Variants in TEKT5 observed in about 807,000 individuals in gnomAD.
TEKT5 encodes tektin 5, also known as tektin-5.
In TEKT5, 52 loss-of-function variants were observed where a neutral mutation model predicts 48.7. The ratio of observed to expected loss-of-function variants is 1.07; its 90% CI spans 0.86 to 1.35. TEKT5 has a LOEUF of 1.35. Among genes scored for constraint, TEKT5 ranks in the 40% most tolerant of loss-of-function variants. TEKT5 has a pLI of 0.00. For missense variants in TEKT5, 831 were observed against 641.6 expected, an observed-to-expected ratio of 1.30 and a Z score of -3.19; for synonymous variants, 318 against 267.6, an observed-to-expected ratio of 1.19 and a Z score of -1.84.
chr16:10,679,801 G>A (rs768847034), intron 4 of TEKT5, among the ~76,000 whole-genome samples: 1 of 152,168 alleles, frequency 6.6e-6, no homozygotes, highest in East Asian at 1.9e-4. Context: ...GGAGGCTGAG[G>A]CAGGAGCATC....
rs147087401 is a variant in TEKT5, at chr16:10,694,192, T to C, written c.564+118A>G. ...TTGTATTACTGATCGTATTCGATGA[T>C]GCAGCTCAAACCGACCTGCAAGGTG... On this transcript the variant is annotated intron_variant, in intron 1 of 6. Transcript: ENST00000283025. 10 of 910,158 alleles carry C rather than the reference T, an allele frequency of 1.1e-5. No homozygotes were observed. The East Asian group carries it at 2.5e-4, about 22-fold the overall frequency. 56.4% of individuals were successfully genotyped at this position (910,158 alleles called of 1,614,324 possible). A position where few individuals can be genotyped will look rare whatever the true frequency, so the allele number is the denominator to read the frequency against.
In TEKT5 at chr16:10,682,111, G is replaced by A. The variant is rs1356171828; in HGVS notation, c.745C>T (p.Leu249=). 4.3e-6 allele frequency: 7 copies of A among 1,613,998 alleles called. No individual in the cohort carries two copies. Among genetic ancestry groups the A allele is most frequent in the Non-Finnish European group, 5.9e-6 (7 of 1,180,010 alleles). The part of the protein sequence containing the change: ...MRDNRDAQHV[L]ERDLEDKSSA... Reference sequence around the variant, plus strand: ...CTTTTGTCTTCGAGGTCCCTCTCCAGCACGTGCTGAGCATCCCGGTTATCC... The same window carrying A: ...CTTTTGTCTTCGAGGTCCCTCTCCAACACGTGCTGAGCATCCCGGTTATCC... Residue 249 remains leucine, a synonymous_variant, in exon 4 of 7, where the codon CTG becomes TTG. Coordinates refer to ENST00000283025, the MANE Select transcript of TEKT5 (RefSeq NM_144674.2).
In TEKT5 at chr16:10,691,804, G is replaced by A. The variant is rs970509322; in HGVS notation, c.565-1779C>T. On this transcript the variant is annotated intron_variant, in intron 1 of 6. Transcript: ENST00000283025. ...TCTACTAAAACTACAAAAGATTAGC[G>A]GGGCATAGTGGCGGGCGCCTGTAGT... Among the ~76,000 whole-genome samples the A allele has an allele frequency of 5.3e-5, 8 of 152,028 alleles. No homozygotes were observed. The East Asian group carries it at 7.7e-4, about 15-fold the overall frequency.
intron 5 of TEKT5, among the ~76,000 whole-genome samples, chr16:10,662,877 T>G (rs180925642): frequency 1.3e-5 from 2 of 152,330 alleles, no homozygotes; most frequent in Non-Finnish European, 2.9e-5. Context: ...GAGGGAAAGA[T>G]AAGCTCACCT....
At chr16:10,635,656 G>A (rs754347576) in intron 6 of TEKT5, 108 bp downstream of exon 6, 100 of 1,479,192 alleles carry the variant, frequency 6.8e-5, no homozygotes, top group Non-Finnish European at 8.2e-5. Flanking sequence ...CTGATTGAAG[G>A]AGGGTCCATT....
chr16:10,681,351 T>C (rs1596417347), intron 4 of TEKT5, among the ~76,000 whole-genome samples: 1 of 151,662 alleles, frequency 6.6e-6, no homozygotes, highest in Non-Finnish European at 1.5e-5. Context: ...TGAAGCCACG[T>C]AGCCTGGCTC....
chr16:10,694,628 G>A lies in TEKT5; in HGVS notation c.246C>T (p.Arg82=), dbSNP rs1466189171. ...LRPPTILPTL[R]SALFSRYSPH... ...GGCTATAGCGAGAGAAGAGTGCGGAGCGCAGTGTGGGCAGGATGGTGGGCG... is the reference window on the plus strand; with the variant it reads ...GGCTATAGCGAGAGAAGAGTGCGGAACGCAGTGTGGGCAGGATGGTGGGCG... Residue 82 remains arginine, a synonymous_variant, in exon 1 of 7, where the codon CGC becomes CGT. Coordinates refer to ENST00000283025, the MANE Select transcript of TEKT5 (RefSeq NM_144674.2). 6.2e-7 allele frequency: 1 copy of A among 1,612,708 alleles called. No individual in the cohort carries two copies. The highest frequency in any genetic ancestry group is 1.3e-5 in the African/African-American group (1 of 75,056).
At chr16:10,662,300 T>C (rs1418840919) in intron 5 of TEKT5, among the ~76,000 whole-genome samples, 1 of 152,154 alleles carries the variant, frequency 6.6e-6, no homozygotes, top group Non-Finnish European at 1.5e-5. Flanking sequence ...AACTGCTGCT[T>C]TAGATGTTGA....
chr16:10,680,259 G>C (rs1898724264), intron 4 of TEKT5, among the ~76,000 whole-genome samples: 1 of 152,226 alleles, frequency 6.6e-6, no homozygotes, highest in African/African-American at 2.4e-5. Flanking sequence ...GGTCACCTCA[G>C]CACTGTGACA....
rs535648264 is a variant in TEKT5 at position 10,646,362 on chromosome 16, T to C, written c.1087-10444A>G. On this transcript the variant is annotated intron_variant, in intron 5 of 6. Transcript: ENST00000283025. The stretch of plus-strand genomic sequence containing the variant: ...ACCTGCCCTACAAATTATAGAATCC[T>C]GCCCATCTCGGATTTTAAGATAGGG... 3.9e-5 allele frequency among the ~76,000 whole-genome samples: 6 copies of C among 152,290 alleles called. No homozygotes were observed. The East Asian group carries it at 1.2e-3, about 29-fold the overall frequency.
At chr16:10,683,654 G>A (rs191294245) in intron 3 of TEKT5, among the ~76,000 whole-genome samples, 9 of 152,284 alleles carry the variant, frequency 5.9e-5, no homozygotes, top group Admixed American at 4.6e-4. Context: ...GCAGTGGCAC[G>A]ATCTCAGCTC....
chr16:10,668,684 G>A (rs535672191), intron 5 of TEKT5, among the ~76,000 whole-genome samples: 1 of 152,296 alleles, frequency 6.6e-6, no homozygotes, highest in South Asian at 2.1e-4. Flanking sequence ...CTGCTTGGGA[G>A]TCAAAACCCC....
intron 3 of TEKT5, among the ~76,000 whole-genome samples, chr16:10,686,198 C>T (rs917359577): frequency 2.0e-5 from 3 of 152,180 alleles, no homozygotes; most frequent in African/African-American, 7.2e-5. Flanking sequence ...GGATAAAGGA[C>T]AGCTTCTTCA....
rs543367923 is a variant in TEKT5 at position 10,659,876 on chromosome 16, G to C, written c.1086+16083C>G. 9.2e-5 allele frequency among the ~76,000 whole-genome samples: 14 copies of C among 152,256 alleles called. No homozygotes were observed. The South Asian group carries it at 2.7e-3, about 29-fold the overall frequency. ...GGTGACGGAAATGGAACTGGGTAGA[G>C]GTGGTGGTTGTACAATATTATCAAT... On this transcript the variant is annotated intron_variant, in intron 5 of 6. Transcript: ENST00000283025.
At chr16:10,644,162 G>A (rs1456273866) in intron 5 of TEKT5, among the ~76,000 whole-genome samples, 2 of 152,140 alleles carry the variant, frequency 1.3e-5, no homozygotes, top group Admixed American at 1.3e-4. Context: ...GGCACTAGTC[G>A]AGACCCTGCT....
chr16:10,682,977 G>T (rs1898783931), intron 3 of TEKT5, among the ~76,000 whole-genome samples: 2 of 152,156 alleles, frequency 1.3e-5, no homozygotes. Flanking sequence ...AGACGACCCA[G>T]TCACTCCCTT....
chr16:10,634,121 T>C (rs1897879449), intron 6 of TEKT5, among the ~76,000 whole-genome samples: 1 of 152,190 alleles, frequency 6.6e-6, no homozygotes. Flanking sequence ...AGCCCTGGCT[T>C]AGTGCTGTGT....
chr16:10,690,469 T>C (rs1374861480), intron 1 of TEKT5: 1 of 730,008 alleles, frequency 1.4e-6, no homozygotes, highest in Non-Finnish European at 1.7e-6. Flanking sequence ...GGCAAACTGC[T>C]TAACCTCTCT....
At chr16:10,690,424 A>G (rs1425930434) in intron 1 of TEKT5, among the ~76,000 whole-genome samples, 3 of 152,196 alleles carry the variant, frequency 2.0e-5, no homozygotes, top group East Asian at 1.9e-4. Context: ...TCTGACTTCA[A>G]TCGGGGCTTG....
Sources: gnomAD v4.1 joint callset for allele counts (sites outside exome capture counted in the v4.1 genomes callset) on GRCh38, gnomAD v4.1.1 for gene constraint, MANE v1.5 for transcripts, NCBI Gene and HGNC (gene_info 2026-07-23, HGNC 2026-07-21) for gene names.